Variants in PAK6 observed in about 807,000 individuals in gnomAD.
PAK6 encodes p21 (RAC1) activated kinase 6.
In PAK6, 33 loss-of-function variants were observed where a neutral mutation model predicts 60.8. The ratio of observed to expected loss-of-function variants is 0.54; its 90% CI spans 0.41 to 0.73. The LOEUF is 0.73. Among genes scored for constraint, PAK6 ranks in the 30% least tolerant of loss-of-function variants. PAK6 has a pLI of 0.00. For synonymous variants in PAK6, 404 were observed against 378.5 expected (o/e 1.07, Z -0.78); for missense variants, 845 against 904.1 (o/e 0.93, Z 0.84).
chr15:40,272,543 C>T (rs147750062), exon 6 of PAK6: 9 of 1,613,554 alleles, frequency 5.6e-6, no homozygotes, highest in African/African-American at 4.0e-5. Context: ...TTCAAGGCTG[C>T]GCTCAGGATG....
At chr15:40,256,226 A>T (rs1415671926) in intron 3 of PAK6, among the ~76,000 whole-genome samples, 1 of 151,622 alleles carries the variant, frequency 6.6e-6, no homozygotes, top group Admixed American at 6.6e-5. Flanking sequence ...CTCTGTCTCT[A>T]AAAAAAAATT....
At chr15:40,244,723 T>G (rs2038452122) in intron 2 of PAK6, among the ~76,000 whole-genome samples, 1 of 152,098 alleles carries the variant, frequency 6.6e-6, no homozygotes, top group Non-Finnish European at 1.5e-5. Context: ...GGATTATCTG[T>G]TCTATGAATT....
chr15:40,243,722 C>A lies in PAK6; in HGVS notation c.-118+3041C>A, dbSNP rs577919354. ...ACAATAATGCCAGGTCTATTTTTTT[C>A]CCAAATAGCATATTGTTTGTCCACT... On this transcript the variant is annotated intron_variant, in intron 2 of 10. Transcript: ENST00000560346. Among the ~76,000 whole-genome samples, 5 of 152,242 alleles carry A rather than the reference C, an allele frequency of 3.3e-5. No homozygotes were observed. The East Asian group carries it at 7.7e-4, about 24-fold the overall frequency.
At chr15:40,264,663 A>T (rs2039070896) in intron 3 of PAK6, 118 bp from the exon 4 acceptor site, 1 of 805,862 alleles carries the variant, frequency 1.2e-6, no homozygotes, top group Non-Finnish European at 2.1e-6. Flanking sequence ...GGGAAGCCCT[A>T]GGCTTCTAGG....
At chr15:40,276,263 T>C in exon 11 of PAK6, 3 of 636,532 alleles carry the variant, frequency 4.7e-6, no homozygotes, top group South Asian at 3.9e-5. Flanking sequence ...AGGCCGGACC[T>C]GCCCCCTCAG....
At chr15:40,276,958 T>C (rs1487505557) in exon 11 of PAK6, 1 of 152,202 alleles carries the variant, frequency 6.6e-6, no homozygotes, top group Non-Finnish European at 1.5e-5. Flanking sequence ...GAGTGGTCCA[T>C]GCTAAGTCTA....
chr15:40,269,792 C>T (rs552866527), intron 5 of PAK6, among the ~76,000 whole-genome samples: 3 of 152,184 alleles, frequency 2.0e-5, no homozygotes, highest in East Asian at 1.9e-4. Flanking sequence ...ACGCAGGCTC[C>T]GCCCTGAGCC....
chr15:40,266,285 A>G, exon 5 of PAK6: 1 of 1,611,650 alleles, frequency 6.2e-7, no homozygotes, highest in East Asian at 2.2e-5. Context: ...ATAGGCATGG[A>G]ATGAAGGCTG....
chr15:40,246,554 C>G (rs1000127934), intron 2 of PAK6: 2 of 152,208 alleles, frequency 1.3e-5, no homozygotes, highest in African/African-American at 4.8e-5. Context: ...GGGCTCCTGT[C>G]GAGGAGAGGG....
chr15:40,244,500 C>T (rs1172326823), intron 2 of PAK6, among the ~76,000 whole-genome samples: 1 of 151,358 alleles, frequency 6.6e-6, no homozygotes, highest in African/African-American at 2.4e-5. Context: ...CTGGTTCAAG[C>T]GATTCTCCTG....
In PAK6 at chr15:40,248,111, C is replaced by T. The variant is rs181220138; in HGVS notation, c.-117-5067C>T. ...GGCCAGAGACATGCTGTAAGTCTTG[C>T]GAGGCAAGAGGGCTCCCGTCCGCAG... is the stretch of plus-strand genomic sequence containing the variant. On this transcript the variant is annotated intron_variant, in intron 2 of 10. Coordinates refer to ENST00000560346, the Ensembl canonical transcript of PAK6. Among the ~76,000 whole-genome samples, 122 of 152,290 alleles carry T rather than the reference C, an allele frequency of 8.0e-4. 1 individual carries two copies. The highest frequency in any genetic ancestry group is 2.1e-3 in the East Asian group (11 of 5,170).
At chr15:40,272,950 A>G in exon 7 of PAK6, 2 of 1,614,022 alleles carry the variant, frequency 1.2e-6, no homozygotes, top group Non-Finnish European at 1.7e-6. Context: ...GTGGGTGCTC[A>G]TGGAGTTCCT....
At chr15:40,272,496 G>A (rs778308258) in exon 6 of PAK6, 1 of 1,613,842 alleles carries the variant, frequency 6.2e-7, no homozygotes, top group South Asian at 1.1e-5. Flanking sequence ...AGGGTGCCCT[G>A]GCTGGTGAGG....
At chr15:40,256,672 T>C (rs912392832) in intron 3 of PAK6, among the ~76,000 whole-genome samples, 31 of 152,348 alleles carry the variant, frequency 2.0e-4, no homozygotes, top group African/African-American at 6.7e-4. Context: ...CATCAGGTCC[T>C]GGGTCAGACT....
rs869058525 is a variant in PAK6 at position 40,275,280 on chromosome 15, G to GTTT, written c.1879-627_1879-625dup. Among the ~76,000 whole-genome samples the GTTT allele has an allele frequency of 1.3e-3, 71 of 56,490 alleles. 11 individuals are homozygous for GTTT. Among genetic ancestry groups the GTTT allele is most frequent in the South Asian group, 4.7e-3 (7 of 1,476 alleles). 37.1% of individuals were successfully genotyped at this position (56,490 alleles called of 152,430 possible). A position where few individuals can be genotyped will look rare whatever the true frequency, so the allele number is the denominator to read the frequency against. ...GACTTGTTTGTTTCTGTTGTTGTTG[G>GTTT]TTTTTTTTTTTTTTTTTTTTTTGGA... On this transcript the variant is annotated intron_variant, in intron 10 of 10. Transcript: ENST00000560346.
intron 3 of PAK6, among the ~76,000 whole-genome samples, chr15:40,256,126 G>A (rs2038827058): frequency 6.6e-6 from 1 of 152,300 alleles, no homozygotes; most frequent in South Asian, 2.1e-4. Flanking sequence ...TCAAGCGACT[G>A]AGGTGGGAGG....
At chr15:40,240,915 C>T (rs2038310922) in intron 2 of PAK6, among the ~76,000 whole-genome samples, 1 of 152,214 alleles carries the variant, frequency 6.6e-6, no homozygotes, top group Admixed American at 6.5e-5. Flanking sequence ...GTGCTTGTTT[C>T]TACTCTTCCT....
chr15:40,248,929 C>G (rs1443450965), intron 2 of PAK6, among the ~76,000 whole-genome samples: 1 of 152,208 alleles, frequency 6.6e-6, no homozygotes, highest in East Asian at 1.9e-4. Flanking sequence ...CAAATTCCAG[C>G]TCCTCCCCTC....
chr15:40,255,439 G>A lies in PAK6; in HGVS notation c.-6+2150G>A, dbSNP rs549454188. Among the ~76,000 whole-genome samples the A allele has an allele frequency of 2.6e-5, 4 of 152,306 alleles. No homozygotes were observed. In the South Asian group the frequency reaches 8.3e-4, roughly 32 times the overall value. ...CCTCAAGTGGGACAGCAGAGCCTCA[G>A]GGTCCTGCTCATCCTCCCAGGGCCT... On this transcript the variant is annotated intron_variant, in intron 3 of 10. Coordinates refer to ENST00000560346, the Ensembl canonical transcript of PAK6.
Sources: allele counts gnomAD v4.1 joint callset (sites outside exome capture counted in the v4.1 genomes callset), GRCh38; gene constraint gnomAD v4.1.1; transcripts MANE v1.5; gene names NCBI Gene and HGNC (gene_info 2026-07-23, HGNC 2026-07-21).